Variants in IMPA2 observed in about 807,000 individuals in gnomAD.
IMPA2 encodes the protein IMP 2.
A neutral mutation model predicts 35.1 loss-of-function variants in IMPA2; 32 were observed. The observed-to-expected ratio is 0.91, with a 90% CI of 0.69 to 1.23. The LOEUF is 1.23. IMPA2 is among the 50% of genes most tolerant of loss of function. The pLI is 0.00. For synonymous variants in IMPA2, 135 were observed against 160.6 expected, an observed-to-expected ratio of 0.84 and a Z score of 1.20; for missense variants, 334 against 387.6, an observed-to-expected ratio of 0.86 and a Z score of 1.16.
chr18:12,014,644 C>T (rs903534222), intron 5 of IMPA2, among the ~76,000 whole-genome samples: 4 of 152,050 alleles, frequency 2.6e-5, no homozygotes, highest in Non-Finnish European at 4.4e-5. Flanking sequence ...GTCGCAGTCA[C>T]GATTTGGTTG....
At chr18:12,009,848 G>A in intron 2 of IMPA2, 35 bp from the exon 3 acceptor site, 1 of 1,516,978 alleles carries the variant, frequency 6.6e-7, no homozygotes. Flanking sequence ...CTGTGTCCTT[G>A]GTGCATTTTC....
At chr18:11,998,977 T>C (rs1347444594) in intron 1 of IMPA2, 77 bp from the exon 2 acceptor site, 10 of 701,048 alleles carry the variant, frequency 1.4e-5, no homozygotes, top group Non-Finnish European at 2.0e-5. Flanking sequence ...CAGAGGGGAC[T>C]CGAAGGAGTG....
intron 1 of IMPA2, among the ~76,000 whole-genome samples, chr18:11,984,778 T>C (rs575659264): frequency 1.3e-5 from 2 of 151,828 alleles, no homozygotes; most frequent in South Asian, 4.2e-4. Context: ...CCATCCTGGC[T>C]AACACGGTGA....
intron 1 of IMPA2, among the ~76,000 whole-genome samples, chr18:11,989,882 C>T (rs1159863062): frequency 6.6e-6 from 1 of 152,132 alleles, no homozygotes; most frequent in Non-Finnish European, 1.5e-5. Flanking sequence ...AATCACTCAG[C>T]CAGAGGATGG....
chr18:11,998,393 C>G (rs1907018476), intron 1 of IMPA2, among the ~76,000 whole-genome samples: 1 of 152,160 alleles, frequency 6.6e-6, no homozygotes, highest in African/African-American at 2.4e-5. Context: ...GAGCCTGTGT[C>G]GGAGCTCAGC....
At chr18:12,025,849 C>T (rs148020846) in intron 5 of IMPA2, among the ~76,000 whole-genome samples, 197 of 152,204 alleles carry the variant, frequency 1.3e-3, no homozygotes, top group South Asian at 7.1e-3. Context: ...GGATTACAGG[C>T]GTAAGCCATG....
At chr18:11,982,278 A>G (rs1181164743) in intron 1 of IMPA2, among the ~76,000 whole-genome samples, 1 of 152,226 alleles carries the variant, frequency 6.6e-6, no homozygotes, top group African/African-American at 2.4e-5. Context: ...AACTTGTTAC[A>G]CTGCCCGGAA....
intron 5 of IMPA2, among the ~76,000 whole-genome samples, chr18:12,026,325 G>A (rs1568039430): frequency 2.0e-5 from 3 of 152,132 alleles, no homozygotes; most frequent in African/African-American, 4.8e-5. Flanking sequence ...GAGCCATCGC[G>A]CCCGACCAAA....
intron 1 of IMPA2, 108 bp downstream of exon 1, chr18:11,981,873 G>A: frequency 1.4e-6 from 1 of 697,066 alleles, no homozygotes; most frequent in Non-Finnish European, 2.0e-6. Flanking sequence ...GGCGCCCAGG[G>A]TCCGCACCCG....
In IMPA2 at chr18:12,028,888, T is replaced by C; in HGVS notation, c.646T>C (p.Ser216Pro). The change falls in exon 7 of 8, where the codon TCA becomes CCA. Residue 216 changes from serine to proline, a missense_variant. Physicochemically the swap from Ser to Pro is moderately conservative, Grantham distance 74. Coordinates refer to ENST00000269159, the MANE Select transcript of IMPA2 (RefSeq NM_014214.3). ...CACATTGGCACTCTGCCACCTGGCC[T>C]CAGGGGCCGCGGATGCCTATTACCA... Reference protein sequence around the residue: ...SSTLALCHLASGAADAYYQFG... With the variant: ...SSTLALCHLAPGAADAYYQFG... 6.2e-7 allele frequency: 1 copy of C among 1,614,190 alleles called. No homozygotes were observed. The highest frequency in any genetic ancestry group is 1.3e-5 in the African/African-American group (1 of 75,048).
intron 7 of IMPA2, 116 bp from the exon 8 acceptor site, chr18:12,030,227 G>A: frequency 1.4e-6 from 1 of 731,502 alleles, no homozygotes; most frequent in Non-Finnish European, 2.4e-6. Context: ...GTTGGGGCTT[G>A]GGCACGGTTC....
At chr18:12,030,270 G>A in intron 7 of IMPA2, 73 bp from the exon 8 acceptor site, 1 of 1,104,696 alleles carries the variant, frequency 9.1e-7, no homozygotes, top group Non-Finnish European at 1.4e-6. Context: ...GTGCATGTGG[G>A]ATAAGTTGTT....
intron 7 of IMPA2, among the ~76,000 whole-genome samples, chr18:12,029,652 C>G (rs1238630929): frequency 6.6e-6 from 1 of 151,556 alleles, no homozygotes; most frequent in East Asian, 2.0e-4. Flanking sequence ...AACTCCTGAC[C>G]TCAGGTGATC....
intron 5 of IMPA2, among the ~76,000 whole-genome samples, chr18:12,024,459 G>GA (rs1475917699): frequency 1.3e-5 from 2 of 152,054 alleles, no homozygotes; most frequent in African/African-American, 4.8e-5. Context: ...ACTGCAGGCT[G>GA]AGTGACAGAG....
At chr18:12,006,183 A>G (rs1459072260) in intron 2 of IMPA2, among the ~76,000 whole-genome samples, 5 of 152,222 alleles carry the variant, frequency 3.3e-5, no homozygotes, top group Non-Finnish European at 5.9e-5. Flanking sequence ...TCACGCCCTA[A>G]GTGGAATCAT....
chr18:11,993,265 CCT>C (rs1280566193), intron 1 of IMPA2, among the ~76,000 whole-genome samples: 1 of 152,140 alleles, frequency 6.6e-6, no homozygotes, highest in East Asian at 1.9e-4. Context: ...GTACTTTATC[CCT>C]CTCTACTCCC....
chr18:12,003,660 AAAAAGAAAAGG>A (rs1907174743), intron 2 of IMPA2, among the ~76,000 whole-genome samples: 2 of 54,042 alleles, frequency 3.7e-5, no homozygotes, highest in African/African-American at 3.3e-4. Context: ...TAAAAAAAAA[AAAAAGAAAAGG>A]AAAAAAAAAA....
intron 6 of IMPA2, 172 bp downstream of exon 6, chr18:12,028,323 C>A (rs994617123): frequency 1.4e-5 from 8 of 591,870 alleles, no homozygotes; most frequent in African/African-American, 3.7e-5. Flanking sequence ...GCAGTAGATA[C>A]TCCTATAGCC....
Position 11,981,668 on chromosome 18 carries a change from C to T in IMPA2, c.-2C>T, listed in dbSNP as rs1423805754. On this transcript the variant is annotated 5_prime_UTR_variant, in exon 1 of 8. Transcript: ENST00000269159. ...GAGGTGGAGGGGCCCGGCGAGGCCG[C>T]GATGAAGCCGAGCGGCGAGGACCAG... The T allele has an allele frequency of 8.1e-7, 1 of 1,229,454 alleles. No individual in the cohort carries two copies. The highest frequency in any genetic ancestry group is 3.2e-5 in the East Asian group (1 of 31,426). The allele number at this position is 1,229,454 out of a possible 1,614,324, so 76.2% of individuals were successfully genotyped here.
Sources: gnomAD v4.1 joint callset for allele counts (sites outside exome capture counted in the v4.1 genomes callset) on GRCh38, gnomAD v4.1.1 for gene constraint, MANE v1.5 for transcripts, NCBI Gene and HGNC (gene_info 2026-07-23, HGNC 2026-07-21) for gene names.